The following SLC4A10 variants were observed in gnomAD, a reference collection of about 807,000 sequenced individuals.
SLC4A10 encodes solute carrier family 4 member 10.
A neutral mutation model predicts 137.7 loss-of-function variants in SLC4A10; 42 were observed. That is an observed-to-expected ratio of 0.30 (90% CI 0.24 to 0.39). The LOEUF (loss-of-function observed/expected upper bound fraction) is 0.39. SLC4A10 is among the 10% of genes least tolerant of loss of function. The pLI is 1.00. For synonymous variants in SLC4A10, 474 were observed against 464.1 expected (o/e 1.02, Z -0.27); for missense variants, 925 against 1,355.0 (o/e 0.68, Z 4.98).
At chr2:161,780,591 C>T (rs1327629187) in intron 2 of SLC4A10, among the ~76,000 whole-genome samples, 3 of 151,940 alleles carry the variant, frequency 2.0e-5, no homozygotes, top group Non-Finnish European at 4.4e-5. Flanking sequence ...ATTATGATCC[C>T]TTTTGAAATA....
chr2:161,786,119 T>C lies in SLC4A10; in HGVS notation c.130+15065T>C, dbSNP rs185761961. On this transcript the variant is annotated intron_variant, in intron 2 of 26. Coordinates refer to ENST00000446997, the MANE Select transcript of SLC4A10 (RefSeq NM_001178015.2). ...GGTGGTCAGGTATTGGGTATAAATA[T>C]ATTTAGGATAGTTAAATCTTCTTGT... 7.2e-5 allele frequency among the ~76,000 whole-genome samples: 11 copies of C among 152,162 alleles called. No homozygotes were observed. In the East Asian group the frequency reaches 2.1e-3, roughly 29 times the overall value.
chr2:161,956,406 G>A (rs1262993217), intron 19 of SLC4A10, among the ~76,000 whole-genome samples: 1 of 152,114 alleles, frequency 6.6e-6, no homozygotes, highest in African/African-American at 2.4e-5. Flanking sequence ...AATAAAAGGT[G>A]GAACATAAAA....
chr2:161,860,444 A>G (rs1282923905), intron 5 of SLC4A10, among the ~76,000 whole-genome samples: 1 of 152,184 alleles, frequency 6.6e-6, no homozygotes, highest in African/African-American at 2.4e-5. Context: ...AATTCATATC[A>G]TGGCTTATAT....
intron 2 of SLC4A10, among the ~76,000 whole-genome samples, chr2:161,794,882 G>A (rs1278713375): frequency 6.6e-6 from 1 of 151,938 alleles, no homozygotes; most frequent in African/African-American, 2.4e-5. Context: ...GGTGAGCTGG[G>A]GTAAGCCAGC....
At chr2:161,963,390 A>G (rs1697054027) in intron 21 of SLC4A10, among the ~76,000 whole-genome samples, 1 of 152,142 alleles carries the variant, frequency 6.6e-6, no homozygotes, top group Admixed American at 6.6e-5. Context: ...TACAACTGAA[A>G]ATATATAAAT....
chr2:161,884,415 G>T (rs1454417907), intron 10 of SLC4A10, among the ~76,000 whole-genome samples: 3 of 152,134 alleles, frequency 2.0e-5, no homozygotes. Context: ...TCGACAGAAA[G>T]ATGTCAGTTC....
At chr2:161,731,893 T>C (rs1040605598) in intron 1 of SLC4A10, among the ~76,000 whole-genome samples, 2 of 152,170 alleles carry the variant, frequency 1.3e-5, no homozygotes, top group Admixed American at 6.5e-5. Flanking sequence ...ATGCAGACAA[T>C]ATTGAAAAGT....
At chr2:161,764,412 A>G (rs2050583437) in intron 1 of SLC4A10, among the ~76,000 whole-genome samples, 1 of 152,114 alleles carries the variant, frequency 6.6e-6, no homozygotes, top group African/African-American at 2.4e-5. Flanking sequence ...GAGTAGAATG[A>G]CAGGGTTAGA....
intron 22 of SLC4A10, among the ~76,000 whole-genome samples, chr2:161,964,587 A>G (rs1697263086): frequency 6.6e-6 from 1 of 152,204 alleles, no homozygotes; most frequent in African/African-American, 2.4e-5. Flanking sequence ...TTAACATTAA[A>G]GATACTAGCA....
intron 1 of SLC4A10, among the ~76,000 whole-genome samples, chr2:161,699,832 A>G (rs1215379137): frequency 6.6e-6 from 1 of 152,174 alleles, no homozygotes; most frequent in East Asian, 1.9e-4. Context: ...TAACAACAAC[A>G]AGAAGAACAT....
chr2:161,763,701 A>G (rs929073868), intron 1 of SLC4A10, among the ~76,000 whole-genome samples: 14 of 152,080 alleles, frequency 9.2e-5, no homozygotes, highest in Non-Finnish European at 1.8e-4. Context: ...CCAGGGTCCA[A>G]CCCTCTGGCA....
At chr2:161,680,392 AG>A (rs2040723910) in intron 1 of SLC4A10, among the ~76,000 whole-genome samples, 3 of 152,132 alleles carry the variant, frequency 2.0e-5, no homozygotes, top group Non-Finnish European at 2.9e-5. Context: ...GCAAAACCAA[AG>A]GTGGGAATTA....
Position 161,690,492 on chromosome 2 carries a change from G to A in SLC4A10, c.48+65926G>A, listed in dbSNP as rs1326961816. On this transcript the variant is annotated intron_variant, in intron 1 of 26. Coordinates refer to ENST00000446997, the MANE Select transcript of SLC4A10 (RefSeq NM_001178015.2). ...TCATTCTTTATAAAGATACATGAAT[G>A]CATATGTTCATTACAGCACTATTCA... 2.0e-5 allele frequency among the ~76,000 whole-genome samples: 3 copies of A among 152,018 alleles called. 1 individual carries two copies.
chr2:161,683,333 A>G (rs1350644011), intron 1 of SLC4A10, among the ~76,000 whole-genome samples: 1 of 152,228 alleles, frequency 6.6e-6, no homozygotes, highest in African/African-American at 2.4e-5. Context: ...TTTGTTTAAT[A>G]AATGAATATA....
At chr2:161,874,683 A>G (rs1370482130) in intron 8 of SLC4A10, among the ~76,000 whole-genome samples, 2 of 152,178 alleles carry the variant, frequency 1.3e-5, no homozygotes. Context: ...ATAGCATGGC[A>G]CACTGGAAAG....
chr2:161,917,636 C>T (rs544701107), intron 15 of SLC4A10, among the ~76,000 whole-genome samples: 1 of 150,616 alleles, frequency 6.6e-6, no homozygotes, highest in Non-Finnish European at 1.5e-5. Context: ...GTGCTTGTAG[C>T]ATTTTGTATT....
intron 6 of SLC4A10, among the ~76,000 whole-genome samples, chr2:161,865,061 G>A (rs754681960): frequency 6.6e-6 from 1 of 152,038 alleles, no homozygotes; most frequent in Non-Finnish European, 1.5e-5. Flanking sequence ...TAAGAAAGAG[G>A]TATGTTTCTT....
chr2:161,646,576 A>G (rs1224255156), intron 1 of SLC4A10, among the ~76,000 whole-genome samples: 1 of 151,994 alleles, frequency 6.6e-6, no homozygotes, highest in Non-Finnish European at 1.5e-5. Context: ...TATACTTTAG[A>G]GCTCAAATTT....
intron 1 of SLC4A10, among the ~76,000 whole-genome samples, chr2:161,644,233 A>G (rs1036363367): frequency 5.3e-5 from 8 of 152,182 alleles, no homozygotes; most frequent in African/African-American, 1.9e-4. Context: ...ATAGTTGCTC[A>G]CACCTGTATT....
Sources: allele counts gnomAD v4.1 joint callset (sites outside exome capture counted in the v4.1 genomes callset), GRCh38; gene constraint gnomAD v4.1.1; transcripts MANE v1.5; gene names NCBI Gene and HGNC (gene_info 2026-07-23, HGNC 2026-07-21).